ZNF438: variants seen among roughly 807,000 people sequenced by gnomAD.
The protein encoded by ZNF438 is zinc finger protein 438.
Under a neutral mutation model 38.0 loss-of-function variants are expected in ZNF438, and 25 were observed. The observed-to-expected ratio is 0.66, with a 90% CI of 0.48 to 0.92. The LOEUF (loss-of-function observed/expected upper bound fraction) is 0.92. Among genes scored for constraint, ZNF438 ranks in the 40% least tolerant of loss-of-function variants. The pLI is 0.00. For synonymous variants in ZNF438, 372 were observed against 364.1 expected, an observed-to-expected ratio of 1.02 and a Z score of -0.25; for missense variants, 1,007 against 999.6, an observed-to-expected ratio of 1.01 and a Z score of -0.10.
intron 1 of ZNF438, among the ~76,000 whole-genome samples, chr10:30,956,834 G>A (rs2048916064): frequency 6.6e-6 from 1 of 152,106 alleles, no homozygotes; most frequent in Admixed American, 6.6e-5. Flanking sequence ...TGTAACTAGT[G>A]CTGCAATAAA....
intron 1 of ZNF438, among the ~76,000 whole-genome samples, chr10:30,977,797 A>G (rs2051573397): frequency 6.6e-6 from 1 of 152,066 alleles, no homozygotes; most frequent in Non-Finnish European, 1.5e-5. Context: ...AGCCTGGCTA[A>G]TATGGTGAAA....
rs141091362 is a variant in ZNF438, at chr10:30,979,275, T to C, written c.-191-37624A>G. ...TGCAGCTTACGGAACAAAAAGTAAT[T>C]TCAGTTTTCATTCCATGCTCATGGA... On this transcript the variant is annotated intron_variant, in intron 1 of 5. Transcript: ENST00000413025. Among the ~76,000 whole-genome samples, 34 of 152,302 alleles carry C rather than the reference T, an allele frequency of 2.2e-4. No homozygotes were observed. In the East Asian group the frequency reaches 6.2e-3, roughly 28 times the overall value.
exon 5 of ZNF438, chr10:30,849,733 T>C: frequency 1.9e-6 from 3 of 1,614,084 alleles, no homozygotes; most frequent in Non-Finnish European, 2.5e-6. Context: ...GCTCCTCTGG[T>C]GTGGATGATG....
chr10:31,020,277 A>G (rs1245235658), intron 1 of ZNF438, among the ~76,000 whole-genome samples: 1 of 152,212 alleles, frequency 6.6e-6, no homozygotes. Flanking sequence ...ACAAAGGTTG[A>G]GGACTGCAGC....
intron 2 of ZNF438, among the ~76,000 whole-genome samples, chr10:30,938,919 T>C (rs1213183196): frequency 6.6e-6 from 1 of 152,052 alleles, no homozygotes; most frequent in Admixed American, 6.6e-5. Context: ...CTCAGCCTCC[T>C]GAGTAGCTGG....
intron 2 of ZNF438, among the ~76,000 whole-genome samples, chr10:30,930,293 G>A (rs951683025): frequency 3.3e-5 from 5 of 152,154 alleles, no homozygotes; most frequent in African/African-American, 1.2e-4. Context: ...GGGACCCGGT[G>A]CACCCTCCGC....
chr10:30,974,662 G>A (rs1273189625), intron 1 of ZNF438, among the ~76,000 whole-genome samples: 1 of 152,140 alleles, frequency 6.6e-6, no homozygotes, highest in Admixed American at 6.5e-5. Flanking sequence ...CCTGTTCAAA[G>A]CAGTAAGATA....
chr10:30,874,973 G>C (rs558147834), intron 4 of ZNF438, among the ~76,000 whole-genome samples: 1 of 152,080 alleles, frequency 6.6e-6, no homozygotes, highest in Non-Finnish European at 1.5e-5. Context: ...CTAACTTATT[G>C]TGAAGATTAA....
intron 1 of ZNF438, among the ~76,000 whole-genome samples, chr10:31,001,693 A>T (rs2054673723): frequency 6.6e-6 from 1 of 152,068 alleles, no homozygotes; most frequent in African/African-American, 2.4e-5. Flanking sequence ...ATTTTGCCAT[A>T]AGTTACACTT....
chr10:30,921,454 GC>G (rs1312784703), intron 2 of ZNF438, among the ~76,000 whole-genome samples: 2 of 151,902 alleles, frequency 1.3e-5, no homozygotes, highest in Non-Finnish European at 1.5e-5. Flanking sequence ...CTATTTTCTT[GC>G]ACTGAATGAA....
At chr10:30,930,285 G>A (rs537538956) in intron 2 of ZNF438, among the ~76,000 whole-genome samples, 1 of 152,236 alleles carries the variant, frequency 6.6e-6, no homozygotes, top group East Asian at 1.9e-4. Context: ...AGTGTTGGGG[G>A]ACCCGGTGCA....
intron 1 of ZNF438, among the ~76,000 whole-genome samples, chr10:31,021,620 A>G (rs2056602163): frequency 6.6e-6 from 1 of 151,954 alleles, no homozygotes; most frequent in African/African-American, 2.4e-5. Flanking sequence ...TTTATTTTAT[A>G]TTTATTTTAG....
intron 2 of ZNF438, among the ~76,000 whole-genome samples, chr10:30,912,680 C>T (rs987985624): frequency 5.3e-5 from 8 of 152,078 alleles, no homozygotes; most frequent in African/African-American, 1.9e-4. Flanking sequence ...CTGTTTCTTC[C>T]ACTTACTGTC....
At chr10:30,901,326 G>A (rs1012544707) in intron 3 of ZNF438, among the ~76,000 whole-genome samples, 11 of 152,232 alleles carry the variant, frequency 7.2e-5, no homozygotes, top group African/African-American at 2.4e-4. Context: ...CTTTGTGTCC[G>A]GAATTGGTGG....
chr10:30,900,561 ATTTC>A (rs1368265680), intron 3 of ZNF438, among the ~76,000 whole-genome samples: 4 of 152,172 alleles, frequency 2.6e-5, no homozygotes, highest in African/African-American at 9.7e-5. Context: ...GTATACGCTA[ATTTC>A]TTTAATTCTC....
At chr10:30,926,703 G>A (rs985337287) in intron 2 of ZNF438, among the ~76,000 whole-genome samples, 1 of 151,252 alleles carries the variant, frequency 6.6e-6, no homozygotes, top group Non-Finnish European at 1.5e-5. Flanking sequence ...ACTTATCAAA[G>A]ATTATAAATA....
chr10:31,030,936 T>C (rs1355279457), intron 1 of ZNF438, among the ~76,000 whole-genome samples: 1 of 152,274 alleles, frequency 6.6e-6, no homozygotes, highest in Non-Finnish European at 1.5e-5. Flanking sequence ...TTGTCTATAA[T>C]GTGCTAGTTC....
chr10:30,868,484 A>G (rs920361075), intron 4 of ZNF438, among the ~76,000 whole-genome samples: 1 of 152,228 alleles, frequency 6.6e-6, no homozygotes, highest in Admixed American at 6.5e-5. Flanking sequence ...CTGGAATTCT[A>G]TAAATGTTTT....
chr10:30,965,032 A>T (rs141176960), intron 1 of ZNF438, among the ~76,000 whole-genome samples: 149 of 152,262 alleles, frequency 9.8e-4, no homozygotes, highest in African/African-American at 3.4e-3. Context: ...AAAATATTCA[A>T]AAACTATGCA....
Sources: gnomAD v4.1 joint callset for allele counts (sites outside exome capture counted in the v4.1 genomes callset) on GRCh38, gnomAD v4.1.1 for gene constraint, MANE v1.5 for transcripts, NCBI Gene and HGNC (gene_info 2026-07-23, HGNC 2026-07-21) for gene names.